RYR3: variants seen among roughly 807,000 people sequenced by gnomAD.
RYR3 encodes the protein ryanodine receptor 3.
In RYR3, 207 loss-of-function variants were observed where a neutral mutation model predicts 584.3. The observed-to-expected ratio is 0.35, with a 90% confidence interval of 0.32 to 0.40. The LOEUF (loss-of-function observed/expected upper bound fraction) is 0.40, where lower values mean the gene tolerates loss of function less well. RYR3 is among the 10% of genes least tolerant of loss of function. The probability of loss-of-function intolerance (pLI) is 1.00; values close to 1 mark genes in which losing one functional copy is unlikely to be tolerated. For synonymous variants in RYR3, 2,416 were observed against 2,248.5 expected (o/e 1.07, Z -2.11); for missense variants, 5,616 against 6,089.2 (o/e 0.92, Z 2.59).
At chr15:33,358,939 G>A (rs1974365632) in intron 1 of RYR3, among the ~76,000 whole-genome samples, 4 of 152,136 alleles carry the variant, frequency 2.6e-5, no homozygotes, top group South Asian at 2.1e-4. Flanking sequence ...ACTTTTCTAA[G>A]CACTATTTCA....
chr15:33,502,470 G>T (rs1222955471), intron 2 of RYR3, among the ~76,000 whole-genome samples: 3 of 152,220 alleles, frequency 2.0e-5, no homozygotes, highest in East Asian at 1.9e-4. Flanking sequence ...TGTTCTCATG[G>T]TATTGATGTT....
chr15:33,430,601 C>T (rs2676029), intron 1 of RYR3, among the ~76,000 whole-genome samples: 22,091 of 152,120 alleles, frequency 0.15, 1,921 homozygotes, highest in African/African-American at 0.25. Context: ...CTGAGGTCTA[C>T]GGGCCAGAGA....
chr15:33,813,365 G>A (rs2076647223), intron 73 of RYR3, 102 bp from the exon 74 acceptor site: 1 of 1,037,586 alleles, frequency 9.6e-7, no homozygotes, highest in African/African-American at 1.6e-5. Context: ...CAGTTGAGAA[G>A]CCAAAATTCT....
At chr15:33,383,132 G>T (rs866147815) in intron 1 of RYR3, among the ~76,000 whole-genome samples, 2 of 151,672 alleles carry the variant, frequency 1.3e-5, no homozygotes, top group Non-Finnish European at 2.9e-5. Flanking sequence ...GGAGACTGTT[G>T]CAGGGATCCC....
intron 3 of RYR3, among the ~76,000 whole-genome samples, chr15:33,528,009 G>A (rs1385633620): frequency 2.0e-5 from 3 of 152,088 alleles, no homozygotes; most frequent in Non-Finnish European, 4.4e-5. Flanking sequence ...AAGGAGTGAA[G>A]GATGACACCA....
chr15:33,817,581 G>A (rs531933123), intron 75 of RYR3, among the ~76,000 whole-genome samples: 21 of 152,098 alleles, frequency 1.4e-4, no homozygotes, highest in African/African-American at 4.3e-4. Flanking sequence ...CACTCTCTCC[G>A]TTCATCTTGT....
intron 1 of RYR3, among the ~76,000 whole-genome samples, chr15:33,324,058 G>T (rs185235349): frequency 1.3e-5 from 2 of 152,212 alleles, no homozygotes; most frequent in Admixed American, 1.3e-4. Flanking sequence ...CCTTTGCCCA[G>T]ACTTCTTTAT....
rs2063295686 is a variant in RYR3 at position 33,663,568 on chromosome 15, G to A, written c.5450G>A (p.Cys1817Tyr). 6.2e-7 allele frequency: 1 copy of A among 1,613,740 alleles called. No individual in the cohort carries two copies. The highest frequency in any genetic ancestry group is 1.3e-5 in the African/African-American group (1 of 74,922). ...GAGCTCCTCAGCTATCTCTGCGACTGTGAGCTGCAGCACCGAGTGGAGGCC... is the reference window on the plus strand; with the variant it reads ...GAGCTCCTCAGCTATCTCTGCGACTATGAGCTGCAGCACCGAGTGGAGGCC... Reference protein sequence around the residue: ...MCELLSYLCDCELQHRVEAIV... With the variant: ...MCELLSYLCDYELQHRVEAIV... Residue 1817 changes from cysteine to tyrosine, a missense_variant, in exon 36 of 104, where the codon TGT becomes TAT. By Grantham distance (194) the Cys-to-Tyr change is radical. Coordinates refer to ENST00000634891, the MANE Select transcript of RYR3 (RefSeq NM_001036.6).
intron 93 of RYR3, among the ~76,000 whole-genome samples, chr15:33,846,278 C>CTG (rs1282943948): frequency 2.0e-5 from 3 of 152,206 alleles, no homozygotes; most frequent in Non-Finnish European, 2.9e-5. Flanking sequence ...CCATTGCATT[C>CTG]TGTGGTTTAA....
chr15:33,865,083 CT>C, intron 103 of RYR3, 47 bp from the exon 104 acceptor site: 1 of 1,483,834 alleles, frequency 6.7e-7, no homozygotes, highest in Non-Finnish European at 9.4e-7. Context: ...TGGGTTTTAG[CT>C]TTTACTGTGG....
At chr15:33,534,074 A>C (rs2055111666) in intron 5 of RYR3, among the ~76,000 whole-genome samples, 1 of 152,210 alleles carries the variant, frequency 6.6e-6, no homozygotes, top group Non-Finnish European at 1.5e-5. Context: ...CAAATGTAAA[A>C]CTTTATTTGA....
rs766537965 is a variant in RYR3 at position 33,857,957 on chromosome 15, GCCA to G, written c.14142+46_14142+48del. ...GCGGGGCCAGCCCACCCACTGCGGG[GCCA>G]CCCCGCCCCACCACCTCACTGGGAA... On this transcript the variant is annotated intron_variant, in intron 99 of 103. Transcript: ENST00000634891. 2.2e-5 allele frequency: 34 copies of G among 1,573,454 alleles called. 1 individual carries two copies. In the Admixed American group the frequency reaches 5.8e-4, roughly 27 times the overall value.
rs182755521 is a variant in RYR3 at position 33,571,302 on chromosome 15, A to C, written c.1268+4503A>C. Among the ~76,000 whole-genome samples the C allele has an allele frequency of 6.6e-3, 1,007 of 152,286 alleles. 7 individuals carry two copies. The highest frequency in any genetic ancestry group is 0.011 in the Non-Finnish European group (715 of 68,014). Reference sequence around the variant, plus strand: ...AGAGCTTTTATCTTGAATGAGCATTAGATTTTTTCAAATGCTTTTTCTTGG... The same window carrying C: ...AGAGCTTTTATCTTGAATGAGCATTCGATTTTTTCAAATGCTTTTTCTTGG... On this transcript the variant is annotated intron_variant, in intron 12 of 103. Transcript: ENST00000634891.
chr15:33,358,388 C>T (rs1157733508), intron 1 of RYR3, among the ~76,000 whole-genome samples: 1 of 152,166 alleles, frequency 6.6e-6, no homozygotes, highest in Non-Finnish European at 1.5e-5. Flanking sequence ...CTCTCAGCCT[C>T]TGTTTGGCTT....
chr15:33,566,122 C>A (rs534397404), intron 11 of RYR3, among the ~76,000 whole-genome samples: 1 of 152,182 alleles, frequency 6.6e-6, no homozygotes, highest in Non-Finnish European at 1.5e-5. Context: ...GATATCAGAG[C>A]CCATGCTTTC....
chr15:33,855,820 A>C (rs1486730156), intron 98 of RYR3: 1 of 152,234 alleles, frequency 6.6e-6, no homozygotes, highest in Admixed American at 6.5e-5. Context: ...GATATTGATG[A>C]GACTGGATAT....
chr15:33,734,465 A>G (rs2069236286), intron 48 of RYR3, among the ~76,000 whole-genome samples: 1 of 152,146 alleles, frequency 6.6e-6, no homozygotes, highest in Non-Finnish European at 1.5e-5. Context: ...CGTTTCCATC[A>G]GCTTTAATTT....
chr15:33,346,567 T>C (rs941632286), intron 1 of RYR3, among the ~76,000 whole-genome samples: 12 of 152,236 alleles, frequency 7.9e-5, no homozygotes, highest in Non-Finnish European at 4.4e-5. Flanking sequence ...CAAATATTGA[T>C]ATCCAAATGT....
intron 86 of RYR3, among the ~76,000 whole-genome samples, chr15:33,833,504 T>G (rs1041317898): frequency 1.3e-5 from 2 of 152,216 alleles, no homozygotes; most frequent in Non-Finnish European, 2.9e-5. Context: ...TATAAGGACA[T>G]GAAGTGATAA....
Sources: allele counts gnomAD v4.1 joint callset (sites outside exome capture counted in the v4.1 genomes callset), GRCh38; gene constraint gnomAD v4.1.1; transcripts MANE v1.5; gene names NCBI Gene and HGNC (gene_info 2026-07-23, HGNC 2026-07-21).